The following ZNF69 variants were observed in gnomAD, a reference collection of about 807,000 sequenced individuals.
The protein encoded by ZNF69 is zinc finger protein 69.
In ZNF69, 47 loss-of-function variants were observed where a neutral mutation model predicts 50.9. The observed-to-expected ratio is 0.92, with a 90% CI of 0.73 to 1.18. ZNF69 has a LOEUF of 1.18. ZNF69 is among the 50% of genes most tolerant of loss of function. The pLI is 0.00. For missense variants in ZNF69, 717 were observed against 675.1 expected (o/e 1.06, Z -0.69); for synonymous variants, 216 against 223.1 (o/e 0.97, Z 0.29).
chr19:11,907,846 C>T (rs1265604797), downstream of ZNF69, among the ~76,000 whole-genome samples: 2 of 152,108 alleles, frequency 1.3e-5, no homozygotes, highest in East Asian at 3.9e-4. Context: ...TGTAAATGGG[C>T]TAAATGCTCC....
At chr19:11,935,207 TGGGG>T in the ZNF69 span, among the ~76,000 whole-genome samples, 1 of 138,794 alleles carries the variant, frequency 7.2e-6, no homozygotes. Context: ...ACTGTCTTTG[TGGGG>T]AGGTATACTT....
chr19:11,967,375 C>G, the ZNF69 span, among the ~76,000 whole-genome samples: 3 of 152,070 alleles, frequency 2.0e-5, no homozygotes, highest in Non-Finnish European at 4.4e-5. Flanking sequence ...GAGTTGAAGA[C>G]CAACCTGGCT....
chr19:11,918,350 C>G (rs1020543941), downstream of ZNF69, among the ~76,000 whole-genome samples: 1 of 152,162 alleles, frequency 6.6e-6, no homozygotes, highest in Non-Finnish European at 1.5e-5. Flanking sequence ...AACAGAATCT[C>G]TGTGTGATTA....
chr19:11,929,153 G>T, the ZNF69 span, among the ~76,000 whole-genome samples: 1 of 148,046 alleles, frequency 6.8e-6, no homozygotes, highest in Admixed American at 6.6e-5. Flanking sequence ...TTAAATTTTT[G>T]AATTACTTTG....
At chr19:11,954,322 G>A in the ZNF69 span, among the ~76,000 whole-genome samples, 3 of 152,172 alleles carry the variant, frequency 2.0e-5, no homozygotes, top group Non-Finnish European at 2.9e-5. Flanking sequence ...ACCTTTTTAT[G>A]CAGATGAAGG....
chr19:11,941,649 G>A, the ZNF69 span, among the ~76,000 whole-genome samples: 2 of 151,916 alleles, frequency 1.3e-5, no homozygotes, highest in Admixed American at 6.6e-5. Context: ...AGCGCCGCGC[G>A]CAGCCCCAGT....
At chr19:11,964,993 G>C in the ZNF69 span, 1 of 545,328 alleles carries the variant, frequency 1.8e-6, no homozygotes, top group South Asian at 2.0e-5. Context: ...AGGTGCCGGG[G>C]CAGGGCCCTG....
At chr19:11,914,273 A>G (rs1599366267) in exon 5 of ZNF69, 1 of 151,686 alleles carries the variant, frequency 6.6e-6, no homozygotes, top group Admixed American at 6.6e-5. Context: ...CCGAGGTCAC[A>G]CCATTCACTC....
At chr19:11,925,084 C>G in the ZNF69 span, 1 of 1,069,796 alleles carries the variant, frequency 9.3e-7, no homozygotes. Context: ...CACAGTTCAT[C>G]CGGAAATGGA....
chr19:11,898,493 C>G (rs1355804890), intron 1 of ZNF69, among the ~76,000 whole-genome samples: 3 of 149,892 alleles, frequency 2.0e-5, no homozygotes, highest in African/African-American at 7.4e-5. Context: ...CGGGTTCTAG[C>G]AATTCTTCTG....
the ZNF69 span, chr19:11,949,242 A>G: frequency 1.2e-6 from 2 of 1,613,840 alleles, no homozygotes; most frequent in East Asian, 2.2e-5. Context: ...GTTCCTTTCG[A>G]TATCATGAAA....
chr19:11,951,377 C>T, the ZNF69 span, among the ~76,000 whole-genome samples: 1 of 151,546 alleles, frequency 6.6e-6, no homozygotes, highest in African/African-American at 2.4e-5. Context: ...TACAGGCGTG[C>T]CCCACCTCAC....
chr19:11,977,172 T>C, the ZNF69 span: 7 of 1,613,908 alleles, frequency 4.3e-6, no homozygotes, highest in South Asian at 5.5e-5. Flanking sequence ...TAGGTAAGGA[T>C]GACAATATTC....
the ZNF69 span, among the ~76,000 whole-genome samples, chr19:11,969,846 A>C: frequency 6.6e-6 from 1 of 152,170 alleles, no homozygotes; most frequent in Non-Finnish European, 1.5e-5. Context: ...CAGACACCTT[A>C]TCAGGATGTC....
intron 1 of ZNF69, 94 bp downstream of exon 1, chr19:11,888,080 G>C (rs541408651): frequency 1.5e-6 from 2 of 1,296,750 alleles, no homozygotes; most frequent in East Asian, 5.2e-5. Context: ...TCCTGCGGGC[G>C]ACTTTGGGAT....
the ZNF69 span, among the ~76,000 whole-genome samples, chr19:11,977,779 C>T: frequency 6.6e-6 from 1 of 152,112 alleles, no homozygotes; most frequent in African/African-American, 2.4e-5. Context: ...TCACTCAAGC[C>T]CCCAGGAGTT....
At chr19:11,923,019 A>G in the ZNF69 span, among the ~76,000 whole-genome samples, 3 of 151,974 alleles carry the variant, frequency 2.0e-5, no homozygotes, top group Non-Finnish European at 4.4e-5. Context: ...GTCTCACTTC[A>G]CTGCTCAGGG....
chr19:11,950,312 AG>A, the ZNF69 span: 1 of 1,536,386 alleles, frequency 6.5e-7, no homozygotes, highest in Non-Finnish European at 8.8e-7. Flanking sequence ...TATGAATGCA[AG>A]CAATGTGGCA....
chr19:11,970,972 T>C, the ZNF69 span, among the ~76,000 whole-genome samples: 1 of 152,124 alleles, frequency 6.6e-6, no homozygotes, highest in Non-Finnish European at 1.5e-5. Context: ...TGCCCTGGTC[T>C]CACAATTTGC....
Sources: allele counts gnomAD v4.1 joint callset (sites outside exome capture counted in the v4.1 genomes callset), GRCh38; gene constraint gnomAD v4.1.1; transcripts MANE v1.5; gene names NCBI Gene and HGNC (gene_info 2026-07-23, HGNC 2026-07-21).